Variants in TAF4 observed in about 807,000 individuals in gnomAD.
The protein encoded by TAF4 is TATA-box binding protein associated factor 4.
Under a neutral mutation model 90.3 loss-of-function variants are expected in TAF4, and 9 were observed. That is an observed-to-expected ratio of 0.10 (90% confidence interval 0.06 to 0.17). The LOEUF (loss-of-function observed/expected upper bound fraction) is 0.17, where lower values mean the gene tolerates loss of function less well. TAF4 is among the 10% of genes least tolerant of loss of function. The pLI is 1.00. For synonymous variants in TAF4, 818 were observed against 638.9 expected (o/e 1.28, Z -4.23); for missense variants, 1,351 against 1,370.7 (o/e 0.99, Z 0.23).
At chr20:62,018,912 G>A (rs943946906) in intron 1 of TAF4, among the ~76,000 whole-genome samples, 3 of 152,176 alleles carry the variant, frequency 2.0e-5, no homozygotes, top group Non-Finnish European at 4.4e-5. Flanking sequence ...TCAGGAAGCT[G>A]GGGCCTGGGA....
At chr20:61,985,358 T>C (rs968851506) in intron 14 of TAF4, among the ~76,000 whole-genome samples, 1 of 151,984 alleles carries the variant, frequency 6.6e-6, no homozygotes, top group Non-Finnish European at 1.5e-5. Flanking sequence ...GCAGGAGGAT[T>C]GCTGGAGTCT....
chr20:61,982,699 C>T (rs993189429), intron 14 of TAF4, among the ~76,000 whole-genome samples: 5 of 150,900 alleles, frequency 3.3e-5, no homozygotes, highest in African/African-American at 1.2e-4. Context: ...GACACCAAAC[C>T]CACACCCCAC....
chr20:62,060,767 TC>T (rs2056084944), intron 1 of TAF4, among the ~76,000 whole-genome samples: 2 of 151,988 alleles, frequency 1.3e-5, no homozygotes, highest in Admixed American at 1.3e-4. Flanking sequence ...ACTGCAACCC[TC>T]CCCTATGTTG....
In TAF4 at chr20:62,065,328, G is replaced by A. The variant is rs1352757888; in HGVS notation, c.483C>T (p.Ala161=). The part of the protein sequence containing the change: ...EPAPAGPAKP[A]GPAALAARAG... ...CGCGGGCGGCCAGCGCGGCGGGGCC[G>A]GCGGGCTTGGCGGGGCCGGCGGGGG... The change falls in exon 1 of 15, where the codon GCC becomes GCT. Residue 161 remains alanine, a synonymous_variant. Coordinates refer to ENST00000252996, the MANE Select transcript of TAF4 (RefSeq NM_003185.4). The A allele has an allele frequency of 1.1e-6, 1 of 950,318 alleles. No homozygotes were observed. The highest frequency in any genetic ancestry group is 1.2e-6 in the Non-Finnish European group (1 of 804,624). The allele number at this position is 950,318 out of a possible 1,614,324, so 58.9% of individuals were successfully genotyped here.
rs1336044164 is a variant in TAF4, at chr20:62,064,943, G to T, written c.868C>A (p.Pro290Thr). ...GGCACGGCGGGCGCGGCGGTCGGGGGTCCGGCGGGGTGGCCGGGCGGCCGG... is the reference window on the plus strand; with the variant it reads ...GGCACGGCGGGCGCGGCGGTCGGGGTTCCGGCGGGGTGGCCGGGCGGCCGG... ...LARPPGHPAG[P>T]PTAAPAVPPP... is the part of the protein sequence containing the mutation. The change falls in exon 1 of 15, where the codon CCC (proline) becomes ACC (threonine). Residue 290 changes from proline (P) to threonine (T), a missense_variant. Transcript: ENST00000252996. 12 of 523,698 alleles carry T rather than the reference G, an allele frequency of 2.3e-5. No homozygotes were observed. The highest frequency in any genetic ancestry group is 2.6e-5 in the Non-Finnish European group (11 of 418,688). 32.4% of individuals were successfully genotyped at this position (523,698 alleles called of 1,614,324 possible).
At chr20:62,043,676 AACTC>A (rs2055976500) in intron 1 of TAF4, among the ~76,000 whole-genome samples, 1 of 152,108 alleles carries the variant, frequency 6.6e-6, no homozygotes, top group African/African-American at 2.4e-5. Flanking sequence ...TAGATACACA[AACTC>A]ACTATCGTGT....
chr20:62,061,534 G>C (rs2056088658), intron 1 of TAF4, among the ~76,000 whole-genome samples: 1 of 152,192 alleles, frequency 6.6e-6, no homozygotes, highest in South Asian at 2.1e-4. Flanking sequence ...AATTTGCCAG[G>C]CCAAAAGATA....
At position 62,025,692 on chromosome 20, in the gene TAF4, A is replaced by G. The variant is rs28382037; in HGVS notation, c.1361-10985T>C. 9.7e-3 allele frequency among the ~76,000 whole-genome samples: 1,478 copies of G among 152,336 alleles called. 27 individuals are homozygous for G. The highest frequency in any genetic ancestry group is 0.034 in the African/African-American group (1,406 of 41,576). ...CCCCAGTCATGTGGAACTGTGAGTCAATTCAACCTCTTTCCTTTATAAGTC... is the reference window on the plus strand; with the variant it reads ...CCCCAGTCATGTGGAACTGTGAGTCGATTCAACCTCTTTCCTTTATAAGTC... On this transcript the variant is annotated intron_variant, in intron 1 of 14. Transcript: ENST00000252996.
chr20:62,020,590 G>A (rs964108264), intron 1 of TAF4, among the ~76,000 whole-genome samples: 1 of 152,118 alleles, frequency 6.6e-6, no homozygotes, highest in Admixed American at 6.6e-5. Context: ...CCGTCATGTC[G>A]CAGCTCAATA....
chr20:62,031,102 C>T (rs1438734436), intron 1 of TAF4, among the ~76,000 whole-genome samples: 2 of 152,240 alleles, frequency 1.3e-5, no homozygotes, highest in Non-Finnish European at 2.9e-5. Flanking sequence ...CTTCTGCCTT[C>T]GTGAAGCCTT....
rs1568947402 is a variant in TAF4 at position 62,065,286 on chromosome 20, CCCGGGGCCGGGG to C, written c.513_524del (p.Pro184_Gly187del). On this transcript the variant is annotated inframe_deletion, in exon 1 of 15. Transcript: ENST00000252996. ...GGCCGGGGCCGGGGCCGGGGCCGGG[CCCGGGGCCGGGG>C]CCGGCGCGGGCGGCCAGCGCGGCGG... 11 of 875,102 alleles carry C rather than the reference CCCGGGGCCGGGG, an allele frequency of 1.3e-5. No individual in the cohort carries two copies. The highest frequency in any genetic ancestry group is 2.1e-5 in the African/African-American group (1 of 47,866). The allele number at this position is 875,102 out of a possible 1,614,324, so 54.2% of individuals were successfully genotyped here.
chr20:62,056,566 C>T (rs1025052741), intron 1 of TAF4, among the ~76,000 whole-genome samples: 4 of 152,152 alleles, frequency 2.6e-5, no homozygotes, highest in African/African-American at 9.7e-5. Flanking sequence ...GGGGCCGTTA[C>T]CAAATGCTGG....
At chr20:62,015,235 G>C (rs1157614231) in intron 1 of TAF4, among the ~76,000 whole-genome samples, 2 of 152,226 alleles carry the variant, frequency 1.3e-5, no homozygotes, top group Non-Finnish European at 2.9e-5. Flanking sequence ...AGGCAGGGCA[G>C]TGCTGCCCCC....
intron 1 of TAF4, among the ~76,000 whole-genome samples, chr20:62,034,827 C>CTTTTCTTTTTTTTTTTTTTTTTTTT (rs555793597): frequency 7.1e-6 from 1 of 141,810 alleles, no homozygotes; most frequent in East Asian, 2.3e-4. Flanking sequence ...TCATAGATTT[C>CTTTTCTTTTTTTTTTTTTTTTTTTT]TTTTTTTTTT....
intron 1 of TAF4, among the ~76,000 whole-genome samples, chr20:62,027,670 C>T (rs999951026): frequency 1.3e-5 from 2 of 152,148 alleles, no homozygotes; most frequent in East Asian, 3.9e-4. Flanking sequence ...ATAAAATAAC[C>T]TTGGCAAATA....
intron 5 of TAF4, among the ~76,000 whole-genome samples, chr20:62,008,357 C>T (rs995331119): frequency 2.6e-5 from 4 of 152,172 alleles, no homozygotes; most frequent in Non-Finnish European, 4.4e-5. Context: ...ATCCCACTGA[C>T]GCCAGCACAG....
intron 5 of TAF4, among the ~76,000 whole-genome samples, chr20:62,008,666 C>A (rs28382072): frequency 0.12 from 18,249 of 152,032 alleles, 1,450 homozygotes; most frequent in East Asian, 0.44. Context: ...GCCGGGACTG[C>A]GGACACCTGG....
At position 62,064,849 on chromosome 20, in the gene TAF4, C is replaced by T. The variant is rs910427558; in HGVS notation, c.962G>A (p.Gly321Asp). 4.1e-5 allele frequency: 39 copies of T among 958,938 alleles called. No individual in the cohort carries two copies. In the South Asian group the frequency reaches 4.8e-4, roughly 12 times the overall value. The allele number at this position is 958,938 out of a possible 1,614,324, so 59.4% of individuals were successfully genotyped here. Residue 321 changes from glycine to aspartate, a missense_variant, in exon 1 of 15, where the codon GGC (glycine) becomes GAC (aspartate). Transcript: ENST00000252996. ...AAPAPAPAAGGPAGVSGQPGP... is the reference protein window; with the variant it reads ...AAPAPAPAAGDPAGVSGQPGP... ...GGGTTGGCCGCTGACCCCCGCGGGG[C>T]CCCCGGCGGCCGGGGCGGGGGCGGG...
chr20:62,029,693 G>T (rs2055894018), intron 1 of TAF4, among the ~76,000 whole-genome samples: 1 of 152,150 alleles, frequency 6.6e-6, no homozygotes, highest in African/African-American at 2.4e-5. Flanking sequence ...GGATCACGAG[G>T]TCAGGAGATC....
Sources: allele counts gnomAD v4.1 joint callset (sites outside exome capture counted in the v4.1 genomes callset), GRCh38; gene constraint gnomAD v4.1.1; transcripts MANE v1.5; gene names NCBI Gene and HGNC (gene_info 2026-07-23, HGNC 2026-07-21).